The following CDC27 variants were observed in gnomAD, a reference collection of about 807,000 sequenced individuals.
The protein encoded by CDC27 is cell division cycle 27.
A neutral mutation model predicts 109.7 loss-of-function variants in CDC27; 27 were observed. The observed-to-expected ratio is 0.25, with a 90% CI of 0.18 to 0.34. The LOEUF is 0.34. Ranked by LOEUF, CDC27 falls within the 10% of genes least tolerant of loss-of-function variation. The pLI is 1.00. For missense variants in CDC27, 579 were observed against 960.2 expected, an observed-to-expected ratio of 0.60 and a Z score of 5.25; for synonymous variants, 266 against 333.9, an observed-to-expected ratio of 0.80 and a Z score of 2.22.
At chr17:47,186,700 G>C (rs1447843853) in intron 1 of CDC27, among the ~76,000 whole-genome samples, 1 of 152,078 alleles carries the variant, frequency 6.6e-6, no homozygotes, top group Non-Finnish European at 1.5e-5. Context: ...ATTTGAGACG[G>C]AGTTTTAATT....
intron 15 of CDC27, among the ~76,000 whole-genome samples, chr17:47,130,471 T>C (rs1054770768): frequency 3.9e-5 from 6 of 152,244 alleles, no homozygotes; most frequent in Admixed American, 6.5e-5. Flanking sequence ...ACTTAAGATA[T>C]TTTAAATAAC....
Position 47,151,880 on chromosome 17 carries a change from G to C in CDC27, c.996C>G (p.Val332=). ...CTCGGCTATTTCCACTCTGTGAGAA[G>C]ACAGACTTTGTTCCAGTTTGGCCGA... The part of the protein sequence containing the change: ...ARIGQTGTKS[V]FSQSGNSREV... The change falls in exon 9 of 19, where the codon GTC becomes GTG. Residue 332 remains valine (V), a synonymous_variant. Transcript: ENST00000066544. 6.2e-7 allele frequency: 1 copy of C among 1,606,272 alleles called. No homozygotes were observed. The highest frequency in any genetic ancestry group is 8.5e-7 in the Non-Finnish European group (1 of 1,176,292).
Position 47,121,012 on chromosome 17 carries a change from T to C in CDC27, c.2398A>G (p.Thr800Ala). Residue 800 changes from threonine to alanine, a missense_variant, in exon 19 of 19, where the codon ACA (threonine) becomes GCA (alanine). By Grantham distance (58) the Thr-to-Ala change is moderately conservative. Coordinates refer to ENST00000066544, the MANE Select transcript of CDC27 (RefSeq NM_001256.6). ...ATGCTGCTCTCCTGGGATTCATCTG[T>C]TCCCACTTTAAAAATAAAACAGAAG... ...PITQEEQIMG[T>A]DESQESSMTD... is the part of the protein sequence containing the mutation. 1.2e-6 allele frequency: 2 copies of C among 1,607,964 alleles called. No individual in the cohort carries two copies. Among genetic ancestry groups the C allele is most frequent in the Non-Finnish European group, 1.7e-6 (2 of 1,175,492 alleles).
chr17:47,134,765 T>C (rs913525231), intron 14 of CDC27, among the ~76,000 whole-genome samples: 2 of 150,234 alleles, frequency 1.3e-5, no homozygotes, highest in Admixed American at 1.3e-4. Context: ...TGAGCCACCG[T>C]GCCCGGCCTT....
At chr17:47,135,126 T>C (rs1196894811) in intron 14 of CDC27, among the ~76,000 whole-genome samples, 1 of 152,180 alleles carries the variant, frequency 6.6e-6, no homozygotes, top group African/African-American at 2.4e-5. Flanking sequence ...AGGTTCTTCC[T>C]TAATGATTCT....
chr17:47,122,583 A>T lies in CDC27; in HGVS notation c.2253T>A (p.Gly751=), dbSNP rs757433814. 2.5e-6 allele frequency: 4 copies of T among 1,590,710 alleles called. No individual in the cohort carries two copies. The highest frequency in any genetic ancestry group is 1.8e-5 in the Admixed American group (1 of 56,482). The change falls in exon 18 of 19, where the codon GGT becomes GGA. Residue 751 remains glycine (G), a synonymous_variant. Coordinates refer to ENST00000066544, the MANE Select transcript of CDC27 (RefSeq NM_001256.6). ...FLIGKVYKKL[G]QTHLALMNFS... is the part of the protein sequence containing the mutation. ...AATTCATCAGGGCGAGGTGCGTTTG[A>T]CCTAACTTCTTGTAAACCTAAAAAT... is the stretch of plus-strand genomic sequence containing the variant.
Position 47,172,077 on chromosome 17 carries a change from AT to A in CDC27, c.104-14del. 3 of 1,531,126 alleles carry A rather than the reference AT, an allele frequency of 2.0e-6. No individual in the cohort carries two copies. Among genetic ancestry groups the A allele is most frequent in the Non-Finnish European group, 2.6e-6 (3 of 1,144,116 alleles). 94.8% of individuals were successfully genotyped at this position (1,531,126 alleles called of 1,614,324 possible). A position where few individuals can be genotyped will look rare whatever the true frequency, so the allele number is the denominator to read the frequency against. On this transcript the variant is annotated splice_polypyrimidine_tract_variant and intron_variant, in intron 2 of 18. Coordinates refer to ENST00000066544, the MANE Select transcript of CDC27 (RefSeq NM_001256.6). ...TCTTCTGAGTGTACTAAAAACAGAC[AT>A]TTTTTAAAAAGGCTATTGTTCAGTA... is the stretch of plus-strand genomic sequence containing the variant.
intron 9 of CDC27, among the ~76,000 whole-genome samples, chr17:47,150,743 T>C (rs1291652972): frequency 6.6e-6 from 1 of 151,910 alleles, no homozygotes; most frequent in Non-Finnish European, 1.5e-5. Flanking sequence ...TTATTAAGAG[T>C]GAATGTTGGC....
intron 14 of CDC27, among the ~76,000 whole-genome samples, chr17:47,133,028 T>TACACACACACACACAC (rs71138587): frequency 6.7e-5 from 2 of 29,824 alleles, no homozygotes; most frequent in African/African-American, 2.9e-4. Flanking sequence ...TATATATATA[T>TACACACACACACACAC]ACACACACAC....
At chr17:47,181,013 A>G (rs1280792725) in intron 2 of CDC27, among the ~76,000 whole-genome samples, 1 of 147,902 alleles carries the variant, frequency 6.8e-6, no homozygotes, top group Non-Finnish European at 1.5e-5. Flanking sequence ...GCACTTTGGG[A>G]GGCCAAGGCA....
rs1198181116 is a variant in CDC27, at chr17:47,172,038, G to A, written c.130C>T (p.Leu44=). ...EVHSEEALFL[L]ATCYYRSGKA... ...CCTGAGCGGTAATAACAGGTTGCCA[G>A]TAAAAACAAGGCTTCTTCTGAGTGT... Residue 44 remains leucine, a synonymous_variant, in exon 3 of 19, where the codon CTG becomes TTG. Coordinates refer to ENST00000066544, the MANE Select transcript of CDC27 (RefSeq NM_001256.6). 3.8e-6 allele frequency: 6 copies of A among 1,585,838 alleles called. No homozygotes were observed. The highest frequency in any genetic ancestry group is 5.1e-6 in the Non-Finnish European group (6 of 1,168,578).
chr17:47,173,593 C>G (rs983532145), intron 2 of CDC27, among the ~76,000 whole-genome samples: 6 of 152,144 alleles, frequency 3.9e-5, no homozygotes, highest in Admixed American at 6.5e-5. Context: ...GTAATGCTGT[C>G]TCAATTGTTT....
chr17:47,147,648 C>A (rs912481791), intron 9 of CDC27, among the ~76,000 whole-genome samples: 1 of 151,784 alleles, frequency 6.6e-6, no homozygotes, highest in Non-Finnish European at 1.5e-5. Context: ...CAAGCCAGGA[C>A]TGCTTCAGGC....
intron 3 of CDC27, 121 bp from the exon 4 acceptor site, chr17:47,170,163 T>C (rs2063772465): frequency 3.4e-6 from 2 of 585,240 alleles, no homozygotes; most frequent in Non-Finnish European, 5.6e-6. Flanking sequence ...CTCTCTCTCT[T>C]TCCTTTTCCT....
rs753882483 is a variant in CDC27, at chr17:47,158,179, A to C, written c.475+27T>G. ...AAAAAAGAAGAGGAGATGGGAACCC[A>C]CCCACCTCTCAACCCCACCCACCTA... On this transcript the variant is annotated intron_variant, in intron 5 of 18. Coordinates refer to ENST00000066544, the MANE Select transcript of CDC27 (RefSeq NM_001256.6). The C allele has an allele frequency of 8.8e-6, 9 of 1,026,282 alleles. No homozygotes were observed. The Admixed American group carries it at 2.0e-4, about 22-fold the overall frequency. 63.6% of individuals were successfully genotyped at this position (1,026,282 alleles called of 1,614,324 possible).
chr17:47,166,563 T>C (rs1186221800), intron 4 of CDC27, among the ~76,000 whole-genome samples: 2 of 152,128 alleles, frequency 1.3e-5, no homozygotes, highest in African/African-American at 4.8e-5. Context: ...GTTTCTATGA[T>C]TTTCTCTATT....
chr17:47,143,824 C>T (rs1220583252), intron 10 of CDC27, 59 bp downstream of exon 10: 4 of 748,806 alleles, frequency 5.3e-6, no homozygotes, highest in Non-Finnish European at 8.1e-6. Context: ...CATCAATGAA[C>T]AGAAATGTTA....
intron 4 of CDC27, chr17:47,161,801 T>C (rs553788535): frequency 6.6e-6 from 1 of 151,838 alleles, no homozygotes; most frequent in African/African-American, 2.4e-5. Context: ...TTGAGGATTA[T>C]CCTAAGCTTC....
At chr17:47,151,195 A>G (rs943320557) in intron 9 of CDC27, among the ~76,000 whole-genome samples, 1 of 152,202 alleles carries the variant, frequency 6.6e-6, no homozygotes, top group African/African-American at 2.4e-5. Flanking sequence ...GCTGGCACTC[A>G]AGAGGATTAG....
Sources: allele counts gnomAD v4.1 joint callset (sites outside exome capture counted in the v4.1 genomes callset), GRCh38; gene constraint gnomAD v4.1.1; transcripts MANE v1.5; gene names NCBI Gene and HGNC (gene_info 2026-07-23, HGNC 2026-07-21).